The following USP18 variants were observed in gnomAD, a reference collection of about 807,000 sequenced individuals.
The protein encoded by USP18 is ubiquitin specific peptidase 18.
In USP18, 11 loss-of-function variants were observed where a neutral mutation model predicts 48.7. That is an observed-to-expected ratio of 0.23 (90% CI 0.14 to 0.37). USP18 has a LOEUF of 0.37. Among genes scored for constraint, USP18 ranks in the 10% least tolerant of loss-of-function variants. USP18 has a pLI of 1.00. For missense variants in USP18, 285 were observed against 436.4 expected, an observed-to-expected ratio of 0.65 and a Z score of 3.09; for synonymous variants, 114 against 163.2, an observed-to-expected ratio of 0.70 and a Z score of 2.30.
At chr22:18,156,710 G>A (rs1929155037) in intron 1 of USP18, among the ~76,000 whole-genome samples, 1 of 152,252 alleles carries the variant, frequency 6.6e-6, no homozygotes, top group East Asian at 1.9e-4. Context: ...CTGAGCTAGC[G>A]AGACCACAAA....
At chr22:18,171,569 C>T (rs1170710449) in intron 8 of USP18, among the ~76,000 whole-genome samples, 1 of 151,748 alleles carries the variant, frequency 6.6e-6, no homozygotes, top group Non-Finnish European at 1.5e-5. Context: ...GAGTTTGAGG[C>T]TGCAGTGAGC....
intron 4 of USP18, among the ~76,000 whole-genome samples, chr22:18,162,156 G>A (rs1309177730): frequency 1.3e-5 from 2 of 152,142 alleles, no homozygotes; most frequent in Non-Finnish European, 2.9e-5. Context: ...ACCTTTCTCT[G>A]CCTCTCAGTA....
chr22:18,167,629 C>T (rs375419304), intron 5 of USP18, among the ~76,000 whole-genome samples: 10 of 141,930 alleles, frequency 7.0e-5, no homozygotes, highest in East Asian at 6.3e-4. Flanking sequence ...ACCCGGGAAG[C>T]GGAGCTTGCA....
intron 4 of USP18, among the ~76,000 whole-genome samples, chr22:18,163,435 C>T (rs776684565): frequency 2.0e-5 from 3 of 151,838 alleles, no homozygotes; most frequent in Admixed American, 6.6e-5. Context: ...TGAGGTCAGG[C>T]GATGGAGACC....
intron 2 of USP18, among the ~76,000 whole-genome samples, chr22:18,159,386 T>C (rs1202732617): frequency 6.6e-6 from 1 of 152,152 alleles, no homozygotes; most frequent in East Asian, 1.9e-4. Context: ...AGATTCATGT[T>C]TGATATCTTC....
intron 1 of USP18, among the ~76,000 whole-genome samples, chr22:18,153,382 T>C (rs977306651): frequency 1.4e-5 from 2 of 147,616 alleles, no homozygotes; most frequent in Admixed American, 1.4e-4. Flanking sequence ...TGAGCTGAGA[T>C]TGTACCACTG....
rs141401038 is a variant in USP18 at position 18,159,048 on chromosome 22, A to T, written c.158-1124A>T. Among the ~76,000 whole-genome samples the T allele has an allele frequency of 7.8e-3, 1,185 of 152,150 alleles. 8 individuals are homozygous for T. Among genetic ancestry groups the T allele is most frequent in the Middle Eastern group, 0.014 (4 of 294 alleles). ...GGACTATATTAAAACTTTTCTTGTTATCGAACTTTTTGTGTGTGTGTGTGT... is the reference window on the plus strand; with the variant it reads ...GGACTATATTAAAACTTTTCTTGTTTTCGAACTTTTTGTGTGTGTGTGTGT... On this transcript the variant is annotated intron_variant, in intron 2 of 10. Transcript: ENST00000215794.
At position 18,159,875 on chromosome 22, in the gene USP18, C is replaced by T. The variant is rs551446165; in HGVS notation, c.158-297C>T. Among the ~76,000 whole-genome samples, 8 of 152,156 alleles carry T rather than the reference C, an allele frequency of 5.3e-5. No individual in the cohort carries two copies. The South Asian group carries it at 8.3e-4, about 16-fold the overall frequency. ...TGCATTTTTAGTAGAGACGGGGTTT[C>T]ACCGTGTTAGCCAGGATGGTCTCGA... On this transcript the variant is annotated intron_variant, in intron 2 of 10. Coordinates refer to ENST00000215794, the MANE Select transcript of USP18 (RefSeq NM_017414.4).
At chr22:18,159,847 T>A (rs1929278267) in intron 2 of USP18, among the ~76,000 whole-genome samples, 1 of 152,038 alleles carries the variant, frequency 6.6e-6, no homozygotes, top group Admixed American at 6.6e-5. Flanking sequence ...GGCTAATTTT[T>A]TTTGCATTTT....
intron 8 of USP18, among the ~76,000 whole-genome samples, chr22:18,172,313 A>G (rs1048170858): frequency 2.0e-5 from 3 of 152,174 alleles, no homozygotes; most frequent in Non-Finnish European, 4.4e-5. Context: ...TCATTTATAA[A>G]CACTTCATTA....
At chr22:18,170,376 T>C (rs1312667374) in intron 7 of USP18, among the ~76,000 whole-genome samples, 1 of 152,178 alleles carries the variant, frequency 6.6e-6, no homozygotes, top group Non-Finnish European at 1.5e-5. Context: ...GTGGTTCTGA[T>C]ATCTGGAGCC....
intron 4 of USP18, among the ~76,000 whole-genome samples, chr22:18,166,325 G>A (rs532787131): frequency 3.8e-4 from 58 of 152,060 alleles, no homozygotes; most frequent in African/African-American, 1.4e-3. Context: ...ATTTGGTGAG[G>A]CAGCATTTTC....
intron 3 of USP18, among the ~76,000 whole-genome samples, chr22:18,160,797 G>A (rs1230538752): frequency 8.3e-6 from 1 of 120,846 alleles, no homozygotes; most frequent in Non-Finnish European, 1.7e-5. Context: ...TTGAGATGAA[G>A]CCTCACTCTG....
chr22:18,167,654 C>T (rs1306139637), intron 5 of USP18, among the ~76,000 whole-genome samples: 5 of 145,560 alleles, frequency 3.4e-5, no homozygotes, highest in East Asian at 2.0e-4. Context: ...GCCGAGATCG[C>T]GCCACTGCAC....
intron 1 of USP18, among the ~76,000 whole-genome samples, chr22:18,154,898 G>A (rs990078410): frequency 6.6e-6 from 1 of 152,176 alleles, no homozygotes; most frequent in Admixed American, 6.5e-5. Context: ...CTTTGTTTGG[G>A]CTCGTCTTTC....
intron 2 of USP18, among the ~76,000 whole-genome samples, chr22:18,159,099 A>G (rs1178923414): frequency 6.6e-6 from 1 of 152,132 alleles, no homozygotes; most frequent in Non-Finnish European, 1.5e-5. Context: ...TTTGTCGCCT[A>G]GGCTGGAGTG....
intron 1 of USP18, among the ~76,000 whole-genome samples, chr22:18,155,683 T>C (rs1359926286): frequency 6.6e-6 from 1 of 152,178 alleles, no homozygotes; most frequent in Non-Finnish European, 1.5e-5. Context: ...CAGCAGCTGC[T>C]GTGCTCGATT....
intron 6 of USP18, among the ~76,000 whole-genome samples, chr22:18,168,563 T>C (rs1929545949): frequency 6.6e-6 from 1 of 152,086 alleles, no homozygotes; most frequent in Admixed American, 6.5e-5. Flanking sequence ...GCCCAGCTAA[T>C]TTCTGTATTT....
intron 9 of USP18, 104 bp from the exon 10 acceptor site, chr22:18,173,689 A>G (rs1320831792): frequency 3.9e-6 from 6 of 1,533,524 alleles, no homozygotes; most frequent in Non-Finnish European, 4.5e-6. Flanking sequence ...GGGAGTTGCT[A>G]GGGGTGGGCT....
Sources: gnomAD v4.1 joint callset for allele counts (sites outside exome capture counted in the v4.1 genomes callset) on GRCh38, gnomAD v4.1.1 for gene constraint, MANE v1.5 for transcripts, NCBI Gene and HGNC (gene_info 2026-07-23, HGNC 2026-07-21) for gene names.